EXOC6B: variants seen among roughly 807,000 people sequenced by gnomAD.
EXOC6B encodes the protein exocyst complex component 6B, also known as SEC15 homolog B.
Under a neutral mutation model 113.5 loss-of-function variants are expected in EXOC6B, and 54 were observed. The observed-to-expected ratio is 0.48, with a 90% CI of 0.38 to 0.60. EXOC6B has a LOEUF of 0.60. EXOC6B is among the 20% of genes least tolerant of loss of function. The probability of loss-of-function intolerance (pLI) is 0.00; values close to 1 mark genes in which losing one functional copy is unlikely to be tolerated. For missense variants in EXOC6B, 797 were observed against 977.5 expected (o/e 0.82, Z 2.46); for synonymous variants, 357 against 339.0 (o/e 1.05, Z -0.58).
chr2:72,566,457 T>G (rs1704185710), intron 7 of EXOC6B, among the ~76,000 whole-genome samples: 1 of 152,142 alleles, frequency 6.6e-6, no homozygotes, highest in Admixed American at 6.5e-5. Context: ...TGTTTCTAGT[T>G]TTGGTACTAT....
rs748008544 is a variant in EXOC6B at position 72,825,856 on chromosome 2, C to G, written c.55G>C (p.Glu19Gln). The change falls in exon 1 of 22, where the codon GAG (glutamate) becomes CAG (glutamine). Residue 19 changes from glutamate (E) to glutamine (Q), a missense_variant. Coordinates refer to ENST00000272427, the MANE Select transcript of EXOC6B (RefSeq NM_015189.3). The surrounding 1 kb of genome is among the most constrained non-coding windows in gnomAD (Gnocchi z 4.4). Reference protein sequence around the residue: ...AESLETAAEHERILREIESTD... With the variant: ...AESLETAAEHQRILREIESTD... ...CTCTCGATCTCTCGCAGGATCCGCT[C>G]GTGCTCTGCCGCTGTCTCCAGGCTC... 1.2e-6 allele frequency: 2 copies of G among 1,613,492 alleles called. No homozygotes were observed. The highest frequency in any genetic ancestry group is 1.7e-6 in the Non-Finnish European group (2 of 1,179,746).
intron 6 of EXOC6B, among the ~76,000 whole-genome samples, chr2:72,637,757 TACAGCCTGGGTGAC>T (rs1180146845): frequency 6.8e-6 from 1 of 146,972 alleles, no homozygotes; most frequent in African/African-American, 2.5e-5. Context: ...ACCACTGCAG[TACAGCCTGGGTGAC>T]ACAGCAAGAC....
At chr2:72,583,925 T>TA (rs1481212803) in intron 6 of EXOC6B, among the ~76,000 whole-genome samples, 1 of 152,136 alleles carries the variant, frequency 6.6e-6, no homozygotes, top group Non-Finnish European at 1.5e-5. Flanking sequence ...TTTCACCATG[T>TA]TGGCCAGGCT....
intron 8 of EXOC6B, among the ~76,000 whole-genome samples, chr2:72,537,552 G>C (rs920245557): frequency 7.2e-5 from 11 of 151,990 alleles, no homozygotes; most frequent in African/African-American, 2.7e-4. Flanking sequence ...AACTGCTTGA[G>C]CCCAGGAGGT....
chr2:72,705,716 C>T (rs931609665), intron 6 of EXOC6B, among the ~76,000 whole-genome samples: 10 of 151,784 alleles, frequency 6.6e-5, no homozygotes, highest in South Asian at 2.1e-4. Flanking sequence ...CTCATGCATG[C>T]GCACACACAC....
At chr2:72,649,881 A>T (rs1674030279) in intron 6 of EXOC6B, among the ~76,000 whole-genome samples, 2 of 152,180 alleles carry the variant, frequency 1.3e-5, no homozygotes, top group Admixed American at 1.3e-4. Context: ...AAAAAAAATG[A>T]ACCTCAATCT....
chr2:72,616,345 A>G (rs1247902415), intron 6 of EXOC6B, among the ~76,000 whole-genome samples: 2 of 152,212 alleles, frequency 1.3e-5, no homozygotes, highest in Non-Finnish European at 2.9e-5. Flanking sequence ...AAAGAACAAA[A>G]GCTGGAGACA....
chr2:72,559,389 T>G, intron 8 of EXOC6B, 64 bp downstream of exon 8: 1 of 1,190,348 alleles, frequency 8.4e-7, no homozygotes, highest in Non-Finnish European at 1.1e-6. Flanking sequence ...CTACCAAAAG[T>G]TGAGAGAGCA....
At chr2:72,184,221 G>T in intron 20 of EXOC6B, 34 bp from the exon 21 acceptor site, 2 of 1,189,988 alleles carry the variant, frequency 1.7e-6, no homozygotes, top group Non-Finnish European at 2.4e-6. Context: ...CCAGGGATTA[G>T]TCAGACAGAC....
In EXOC6B at chr2:72,480,680, T is replaced by C. The variant is rs751195611; in HGVS notation, c.1736A>G (p.Asn579Ser). 1.1e-5 allele frequency: 17 copies of C among 1,593,752 alleles called. No homozygotes were observed. The highest frequency in any genetic ancestry group is 1.4e-5 in the Non-Finnish European group (16 of 1,168,804). The change falls in exon 17 of 22, where the codon AAC (asparagine) becomes AGC (serine). Residue 579 changes from asparagine (N) to serine (S), a missense_variant. Coordinates refer to ENST00000272427, the MANE Select transcript of EXOC6B (RefSeq NM_015189.3). Reference sequence around the variant, plus strand: ...TGTCTCTGGAAGCACATTAGTGATGTTGGTGATAAATTCTTCCAAGTACTT... The same window carrying C: ...TGTCTCTGGAAGCACATTAGTGATGCTGGTGATAAATTCTTCCAAGTACTT... ...SCKYLEEFIT[N>S]ITNVLPETVH...
intron 20 of EXOC6B, among the ~76,000 whole-genome samples, chr2:72,204,675 G>A (rs1001037109): frequency 7.2e-5 from 11 of 152,226 alleles, no homozygotes; most frequent in African/African-American, 2.4e-4. Context: ...GAACTTGTAC[G>A]CCTGCTCTGA....
intron 1 of EXOC6B, among the ~76,000 whole-genome samples, chr2:72,751,516 T>C (rs1682041917): frequency 6.6e-6 from 1 of 152,088 alleles, no homozygotes; most frequent in Non-Finnish European, 1.5e-5. Context: ...TCAGGTTAAC[T>C]CTGGAATGCC....
At chr2:72,812,812 C>T (rs1199576232) in intron 1 of EXOC6B, among the ~76,000 whole-genome samples, 1 of 152,014 alleles carries the variant, frequency 6.6e-6, no homozygotes, top group Admixed American at 6.5e-5. Flanking sequence ...AAAGAAGAAT[C>T]AGTCTACCAG....
rs370622170 is a variant in EXOC6B at position 72,674,030 on chromosome 2, G to C, written c.669+44073C>G. 3.5e-4 allele frequency among the ~76,000 whole-genome samples: 53 copies of C among 151,646 alleles called. 1 individual carries two copies. The East Asian group carries it at 7.5e-3, about 22-fold the overall frequency. On this transcript the variant is annotated intron_variant, in intron 6 of 21. Transcript: ENST00000272427. ...TATTCATCTACCAATGAAACGATTT[G>C]GGGGGGGTTTCATATTTAAAACTTC...
intron 6 of EXOC6B, among the ~76,000 whole-genome samples, chr2:72,628,083 T>G: frequency 6.6e-6 from 1 of 152,138 alleles, no homozygotes; most frequent in Non-Finnish European, 1.5e-5. Context: ...TAAGAAGTTT[T>G]TATAGAGATG....
intron 6 of EXOC6B, among the ~76,000 whole-genome samples, chr2:72,676,013 T>C (rs1676278094): frequency 6.6e-6 from 1 of 151,630 alleles, no homozygotes; most frequent in South Asian, 2.1e-4. Context: ...ACTGACTTTT[T>C]CCAAAAAAGT....
intron 18 of EXOC6B, among the ~76,000 whole-genome samples, chr2:72,460,548 G>T (rs1290674751): frequency 1.3e-5 from 2 of 152,144 alleles, no homozygotes; most frequent in African/African-American, 4.8e-5. Context: ...GTGGGTGAAA[G>T]ACATGAACAG....
chr2:72,250,283 A>G (rs375436184), intron 20 of EXOC6B, among the ~76,000 whole-genome samples: 1 of 152,226 alleles, frequency 6.6e-6, no homozygotes, highest in South Asian at 2.1e-4. Context: ...AGACCAAATT[A>G]ATCAGTACCT....
intron 6 of EXOC6B, among the ~76,000 whole-genome samples, chr2:72,644,359 T>A (rs1163971345): frequency 6.6e-6 from 1 of 152,200 alleles, no homozygotes; most frequent in Non-Finnish European, 1.5e-5. Context: ...TGGAACCAAG[T>A]TGGAAAACAC....
Sources: gnomAD v4.1 joint callset for allele counts (sites outside exome capture counted in the v4.1 genomes callset) on GRCh38, gnomAD v4.1.1 for gene constraint, Gnocchi (gnomAD v3.1) non-coding constraint, MANE v1.5 for transcripts, NCBI Gene and HGNC (gene_info 2026-07-23, HGNC 2026-07-21) for gene names.